Variants in DISC1 observed in about 807,000 individuals in gnomAD.
DISC1 encodes the protein DISC1 scaffold protein.
Under a neutral mutation model 84.5 loss-of-function variants are expected in DISC1, and 57 were observed. The ratio of observed to expected loss-of-function variants is 0.67; its 90% CI spans 0.55 to 0.84. The LOEUF is 0.84. Ranked by LOEUF, DISC1 falls within the 40% of genes least tolerant of loss-of-function variation. The pLI, the probability that DISC1 is intolerant of heterozygous loss-of-function variation, is 0.00. For synonymous variants in DISC1, 411 were observed against 415.2 expected, an observed-to-expected ratio of 0.99 and a Z score of 0.12; for missense variants, 1,000 against 1,057.8, an observed-to-expected ratio of 0.95 and a Z score of 0.76.
intron 9 of DISC1, among the ~76,000 whole-genome samples, chr1:231,894,138 T>G (rs1267199080): frequency 6.6e-6 from 1 of 152,214 alleles, no homozygotes; most frequent in Non-Finnish European, 1.5e-5. Flanking sequence ...TCTTCTAATA[T>G]AAACTTTAAA....
intron 1 of DISC1, among the ~76,000 whole-genome samples, chr1:231,644,648 C>G (rs1167766109): frequency 6.6e-6 from 1 of 152,144 alleles, no homozygotes; most frequent in Non-Finnish European, 1.5e-5. Context: ...GCACAACCTC[C>G]TCAACAGTAC....
intron 5 of DISC1, among the ~76,000 whole-genome samples, chr1:231,769,994 G>A (rs1573664727): frequency 6.6e-6 from 1 of 152,128 alleles, no homozygotes; most frequent in East Asian, 1.9e-4. Context: ...CTTGAAGTGG[G>A]TTCAGGAGGT....
Position 231,709,771 on chromosome 1 carries a change from G to A in DISC1, c.1117+7747G>A, listed in dbSNP as rs114673322. Among the ~76,000 whole-genome samples the A allele has an allele frequency of 8.3e-3, 1,271 of 152,274 alleles. 6 individuals carry two copies. The highest frequency in any genetic ancestry group is 0.012 in the Non-Finnish European group (819 of 68,016). ...ACTAGCTGAGCTGTAGCAGGAAGTT[G>A]TGCCAACAGTGGACACATCTTATTC... is the stretch of plus-strand genomic sequence containing the variant. On this transcript the variant is annotated intron_variant, in intron 3 of 12. Coordinates refer to ENST00000439617, the MANE Select transcript of DISC1 (RefSeq NM_018662.3).
intron 2 of DISC1, among the ~76,000 whole-genome samples, chr1:231,695,181 G>A (rs1377593460): frequency 1.3e-5 from 2 of 152,152 alleles, no homozygotes; most frequent in African/African-American, 4.8e-5. Flanking sequence ...TACAAAAATG[G>A]GGATGCCCTC....
intron 6 of DISC1, among the ~76,000 whole-genome samples, chr1:231,786,870 T>G (rs2077907450): frequency 2.0e-5 from 3 of 152,172 alleles, no homozygotes; most frequent in East Asian, 1.9e-4. Flanking sequence ...GAAGAGGCCC[T>G]GGCAGGATGC....
rs1386255021 is a variant in DISC1, at chr1:232,038,974, G to C, written c.*2143G>C. 6.6e-6 allele frequency: 1 copy of C among 152,178 alleles called. No individual in the cohort carries two copies. Among genetic ancestry groups the C allele is most frequent in the Non-Finnish European group, 1.5e-5 (1 of 68,052 alleles). 9.4% of individuals were successfully genotyped at this position (152,178 alleles called of 1,614,324 possible). On this transcript the variant is annotated 3_prime_UTR_variant, in exon 13 of 13. Transcript: ENST00000439617. Reference sequence around the variant, plus strand: ...CATGCTTAAGCCAGCAATTGGCTGGGGTCCAGGAAACAAAGCAAAAGCACA... The same window carrying C: ...CATGCTTAAGCCAGCAATTGGCTGGCGTCCAGGAAACAAAGCAAAAGCACA...
intron 9 of DISC1, among the ~76,000 whole-genome samples, chr1:231,907,014 CT>C (rs1369075084): frequency 2.0e-5 from 3 of 149,414 alleles, no homozygotes; most frequent in Admixed American, 2.0e-4. Flanking sequence ...CTCTCTCTTT[CT>C]TTTTCTTCTC....
rs2080448894 is a variant in DISC1, at chr1:231,812,861, A to G, written c.1793-5468A>G. On this transcript the variant is annotated intron_variant, in intron 8 of 12. Coordinates refer to ENST00000439617, the MANE Select transcript of DISC1 (RefSeq NM_018662.3). ...CAAGCAAGGTCTTGGTCTAAGCCTC[A>G]TGGGATTAGATCTGAGGTCAAAATG... 2.6e-5 allele frequency among the ~76,000 whole-genome samples: 4 copies of G among 152,224 alleles called. No homozygotes were observed. In the South Asian group the frequency reaches 6.2e-4, roughly 24 times the overall value.
chr1:231,958,890 T>C lies in DISC1; in HGVS notation c.2042+2T>C, dbSNP rs1165101071. The C allele has an allele frequency of 1.2e-6, 2 of 1,611,522 alleles. No individual in the cohort carries two copies. The highest frequency in any genetic ancestry group is 1.7e-6 in the Non-Finnish European group (2 of 1,179,256). ...AACACTTAAGAATAAACTGTGCAGGTAAGGATAATAATTTCTGTATTTCAG... is the reference window on the plus strand; with the variant it reads ...AACACTTAAGAATAAACTGTGCAGGCAAGGATAATAATTTCTGTATTTCAG... On this transcript the variant is annotated splice_donor_variant, in intron 10 of 12. Coordinates refer to ENST00000439617, the MANE Select transcript of DISC1 (RefSeq NM_018662.3). LOFTEE classifies it high-confidence loss of function.
chr1:231,985,966 G>A (rs1664369608), intron 10 of DISC1, among the ~76,000 whole-genome samples: 1 of 152,152 alleles, frequency 6.6e-6, no homozygotes, highest in Non-Finnish European at 1.5e-5. Flanking sequence ...CAGATCATGA[G>A]TCTTGTCATC....
intron 4 of DISC1, among the ~76,000 whole-genome samples, chr1:231,759,541 AAAAAAAAAAAC>A (rs2075445804): frequency 6.8e-6 from 1 of 147,356 alleles, no homozygotes; most frequent in South Asian, 2.1e-4. Flanking sequence ...AAAAAAAAAA[AAAAAAAAAAAC>A]AAAACTAGCC....
At chr1:231,846,229 C>G (rs2083440647) in intron 9 of DISC1, among the ~76,000 whole-genome samples, 1 of 152,124 alleles carries the variant, frequency 6.6e-6, no homozygotes, top group African/African-American at 2.4e-5. Flanking sequence ...GAGGAGGAGG[C>G]AGCTTTCAGA....
At chr1:231,803,730 C>A (rs922920392) in intron 8 of DISC1, among the ~76,000 whole-genome samples, 3 of 151,926 alleles carry the variant, frequency 2.0e-5, no homozygotes, top group South Asian at 2.1e-4. Context: ...GGGTGGATCA[C>A]GAGGTCAGGA....
At chr1:231,969,194 T>TTTTG (rs1241375602) in intron 10 of DISC1, among the ~76,000 whole-genome samples, 1 of 147,634 alleles carries the variant, frequency 6.8e-6, no homozygotes, top group Admixed American at 6.8e-5. Flanking sequence ...CGGTTTTTTT[T>TTTTG]TTTTTTTTTT....
intron 6 of DISC1, among the ~76,000 whole-genome samples, chr1:231,785,344 A>G (rs1316340043): frequency 6.6e-6 from 1 of 151,550 alleles, no homozygotes; most frequent in Non-Finnish European, 1.5e-5. Flanking sequence ...CAGTGGTGCG[A>G]TCATAGCTCA....
intron 3 of DISC1, among the ~76,000 whole-genome samples, chr1:231,705,145 G>A (rs567374543): frequency 6.6e-5 from 10 of 151,146 alleles, no homozygotes; most frequent in Admixed American, 5.3e-4. Context: ...AAAATTAGCC[G>A]GGCATGGTAA....
intron 9 of DISC1, among the ~76,000 whole-genome samples, chr1:231,948,359 A>G (rs2126150719): frequency 6.6e-6 from 1 of 152,308 alleles, no homozygotes; most frequent in East Asian, 1.9e-4. Context: ...ACAAGAACAG[A>G]AAACCAAACA....
Position 231,693,934 on chromosome 1 carries a change from CA to C in DISC1, c.177del (p.Ala60GlnfsTer49), listed in dbSNP as rs768678230. The C allele has an allele frequency of 1.2e-6, 2 of 1,614,156 alleles. No individual in the cohort carries two copies. The highest frequency in any genetic ancestry group is 2.2e-5 in the South Asian group (2 of 91,074). On this transcript the variant is annotated frameshift_variant, in exon 2 of 13. Transcript: ENST00000439617. LOFTEE classifies it high-confidence loss of function. ...GGGCCTGGGATCGGGTTCCTTTCCC[CA>C]GCAGTGGGCACACTGTTCCGGTTCC... The part of the protein sequence containing the change: ...STGPGIGFLS[P>X]AVGTLFRFPG...
intron 9 of DISC1, among the ~76,000 whole-genome samples, chr1:231,921,795 C>T (rs1011212085): frequency 6.7e-6 from 1 of 149,116 alleles, no homozygotes; most frequent in African/African-American, 2.5e-5. Context: ...ATGTCTATCA[C>T]CTCACTAGTT....
Sources: allele counts gnomAD v4.1 joint callset (sites outside exome capture counted in the v4.1 genomes callset), GRCh38; gene constraint gnomAD v4.1.1; transcripts MANE v1.5; gene names NCBI Gene and HGNC (gene_info 2026-07-23, HGNC 2026-07-21).